IRAK2: variants seen among roughly 807,000 people sequenced by gnomAD.
The protein encoded by IRAK2 is interleukin 1 receptor associated kinase 2, also known as interleukin-1 receptor-associated kinase-like 2.
A neutral mutation model predicts 72.0 loss-of-function variants in IRAK2; 57 were observed. The observed-to-expected ratio is 0.79, with a 90% CI of 0.64 to 0.99. IRAK2 has a LOEUF of 0.99. Among genes scored for constraint, IRAK2 ranks in the 50% least tolerant of loss-of-function variants. The pLI is 0.00. For synonymous variants in IRAK2, 293 were observed against 312.7 expected (o/e 0.94, Z 0.67); for missense variants, 790 against 794.4 (o/e 0.99, Z 0.07).
chr3:10,181,655 A>G (rs1223478747), intron 2 of IRAK2, among the ~76,000 whole-genome samples: 3 of 152,182 alleles, frequency 2.0e-5, no homozygotes, highest in Non-Finnish European at 4.4e-5. Context: ...GAGGACTGTC[A>G]TGCATAAATG....
At chr3:10,177,784 T>G (rs1696898896) in intron 1 of IRAK2, 54 bp from the exon 2 acceptor site, 7 of 1,567,376 alleles carry the variant, frequency 4.5e-6, no homozygotes, top group Non-Finnish European at 6.1e-6. Context: ...TGGGGACCTG[T>G]CCTAGAGGGA....
intron 6 of IRAK2, among the ~76,000 whole-genome samples, chr3:10,214,847 C>A (rs535691535): frequency 9.5e-4 from 145 of 152,162 alleles, no homozygotes; most frequent in African/African-American, 2.6e-3. Flanking sequence ...ATAATCCCAG[C>A]ACTTTGGGAG....
intron 2 of IRAK2, among the ~76,000 whole-genome samples, chr3:10,199,286 T>C (rs1697317698): frequency 6.6e-6 from 1 of 152,124 alleles, no homozygotes; most frequent in South Asian, 2.1e-4. Context: ...CCCAAGTTGA[T>C]GTAAAAAGGA....
chr3:10,165,887 C>T (rs268657), intron 1 of IRAK2, among the ~76,000 whole-genome samples: 90,926 of 151,938 alleles, frequency 0.6, 28,764 homozygotes, highest in East Asian at 0.75. Flanking sequence ...CCCGCCACCA[C>T]GCCCGGCTAA....
chr3:10,215,416 T>A (rs935237424), intron 6 of IRAK2, among the ~76,000 whole-genome samples: 28,627 of 132,386 alleles, frequency 0.22, 4,403 homozygotes, highest in Non-Finnish European at 0.33. Flanking sequence ...AAAAAAAAAT[T>A]AATTAATTAA....
At chr3:10,182,218 C>G (rs1237100005) in intron 2 of IRAK2, among the ~76,000 whole-genome samples, 2 of 151,972 alleles carry the variant, frequency 1.3e-5, no homozygotes, top group African/African-American at 4.8e-5. Flanking sequence ...ATCCACCGGC[C>G]TTGGCCTCCC....
At chr3:10,170,511 C>G (rs1256568731) in intron 1 of IRAK2, among the ~76,000 whole-genome samples, 2 of 152,210 alleles carry the variant, frequency 1.3e-5, no homozygotes, top group Non-Finnish European at 1.5e-5. Context: ...TGCCCCTGTT[C>G]CTCTCTAGCC....
chr3:10,215,522 T>A (rs1428379916), intron 6 of IRAK2, among the ~76,000 whole-genome samples: 1 of 152,096 alleles, frequency 6.6e-6, no homozygotes, highest in African/African-American at 2.4e-5. Context: ...ACTACTGTTT[T>A]AATATTTTGA....
rs1173358691 is a variant in IRAK2, at chr3:10,182,476, G to T, written c.277+4456G>T. On this transcript the variant is annotated intron_variant, in intron 2 of 12. Transcript: ENST00000256458. Reference sequence around the variant, plus strand: ...TTTTTGTATTTTAGTTAGAGACGGGGTTTCACCTGTTAGCCAGGATGGTCT... The same window carrying T: ...TTTTTGTATTTTAGTTAGAGACGGGTTTTCACCTGTTAGCCAGGATGGTCT... Among the ~76,000 whole-genome samples the T allele has an allele frequency of 3.9e-4, 58 of 150,068 alleles. 1 individual carries two copies. In the Admixed American group the frequency reaches 3.9e-3, roughly 10 times the overall value.
chr3:10,207,131 C>T (rs1214477392), intron 3 of IRAK2, among the ~76,000 whole-genome samples: 1 of 151,996 alleles, frequency 6.6e-6, no homozygotes, highest in South Asian at 2.1e-4. Flanking sequence ...CACTCTGTCA[C>T]CCAGGCTGGA....
intron 3 of IRAK2, among the ~76,000 whole-genome samples, chr3:10,203,136 A>G (rs1022644221): frequency 6.6e-6 from 1 of 151,924 alleles, no homozygotes; most frequent in Non-Finnish European, 1.5e-5. Context: ...AGCTGGGACT[A>G]TAGGCACGCA....
At chr3:10,178,765 C>G (rs1037718308) in intron 2 of IRAK2, among the ~76,000 whole-genome samples, 1 of 152,208 alleles carries the variant, frequency 6.6e-6, no homozygotes, top group South Asian at 2.1e-4. Context: ...GAAATTTTCT[C>G]TGCATGGGCA....
At chr3:10,208,962 C>T (rs968248488) in intron 3 of IRAK2, among the ~76,000 whole-genome samples, 10 of 151,954 alleles carry the variant, frequency 6.6e-5, no homozygotes, top group Admixed American at 6.6e-4. Flanking sequence ...ACTCCAGCCC[C>T]GGGCCCTTCT....
intron 9 of IRAK2, among the ~76,000 whole-genome samples, chr3:10,224,927 A>C (rs1697752138): frequency 6.7e-6 from 1 of 150,290 alleles, no homozygotes; most frequent in Non-Finnish European, 1.5e-5. Context: ...TTTTTTGGTG[A>C]GTGCTCAGTG....
In IRAK2 at chr3:10,238,922, G is replaced by A; in HGVS notation, c.1648G>A (p.Gly550Arg). 1 of 1,614,130 alleles carries A rather than the reference G, an allele frequency of 6.2e-7. No individual in the cohort carries two copies. The highest frequency in any genetic ancestry group is 8.5e-7 in the Non-Finnish European group (1 of 1,180,006). ...SSSMSVAPWA[G>R]AATPLLPTEN... Reference sequence around the variant, plus strand: ...CTCCATGAGTGTGGCACCCTGGGCAGGGGCTGCCACCCCACTTCTCCCCAC... The same window carrying A: ...CTCCATGAGTGTGGCACCCTGGGCAAGGGCTGCCACCCCACTTCTCCCCAC... Residue 550 changes from glycine (G) to arginine (R), a missense_variant, in exon 12 of 13, where the codon GGG becomes AGG. Coordinates refer to ENST00000256458, the MANE Select transcript of IRAK2 (RefSeq NM_001570.4).
In IRAK2 at chr3:10,238,732, C is replaced by T. The variant is rs747120895; in HGVS notation, c.1474-16C>T. 1.9e-6 allele frequency: 3 copies of T among 1,609,458 alleles called. No individual in the cohort carries two copies. Among genetic ancestry groups the T allele is most frequent in the African/African-American group, 1.3e-5 (1 of 74,662 alleles). ...GAGAATTCCTGATGAGCTCCCTTCT[C>T]TCTCTTCTCCCAAAGGTGTGTGGCT... On this transcript the variant is annotated splice_polypyrimidine_tract_variant and intron_variant, in intron 11 of 12. Transcript: ENST00000256458.
chr3:10,176,301 T>C (rs1434159633), intron 1 of IRAK2, among the ~76,000 whole-genome samples: 1 of 151,984 alleles, frequency 6.6e-6, no homozygotes, highest in South Asian at 2.1e-4. Flanking sequence ...TAGCATATCT[T>C]TTTTGTTGTT....
intron 2 of IRAK2, among the ~76,000 whole-genome samples, chr3:10,189,741 C>T (rs1395953199): frequency 6.6e-6 from 1 of 152,090 alleles, no homozygotes; most frequent in Non-Finnish European, 1.5e-5. Context: ...TAAAATGAAA[C>T]AGAAGAGAAT....
chr3:10,229,326 T>C (rs1437735602), intron 10 of IRAK2, among the ~76,000 whole-genome samples: 1 of 152,208 alleles, frequency 6.6e-6, no homozygotes, highest in Non-Finnish European at 1.5e-5. Flanking sequence ...TGTAGCTCAC[T>C]GCAGCCTCGA....
Sources: allele counts gnomAD v4.1 joint callset (sites outside exome capture counted in the v4.1 genomes callset), GRCh38; gene constraint gnomAD v4.1.1; transcripts MANE v1.5; gene names NCBI Gene and HGNC (gene_info 2026-07-23, HGNC 2026-07-21).